DYM: variants seen among roughly 807,000 people sequenced by gnomAD.
DYM encodes the protein dymeclin.
A neutral mutation model predicts 93.1 loss-of-function variants in DYM; 78 were observed. The observed-to-expected ratio is 0.84, with a 90% CI of 0.70 to 1.01. The LOEUF (loss-of-function observed/expected upper bound fraction) is 1.01. Ranked by LOEUF, DYM falls within the 50% of genes least tolerant of loss-of-function variation. The pLI is 0.00. For synonymous variants in DYM, 321 were observed against 319.7 expected, an observed-to-expected ratio of 1.00 and a Z score of -0.04; for missense variants, 789 against 845.0, an observed-to-expected ratio of 0.93 and a Z score of 0.82.
At chr18:49,319,649 G>A (rs1277359708) in intron 8 of DYM, among the ~76,000 whole-genome samples, 1 of 152,158 alleles carries the variant, frequency 6.6e-6, no homozygotes, top group Non-Finnish European at 1.5e-5. Flanking sequence ...GATACTCTAA[G>A]TTCCATTTTT....
intron 1 of DYM, among the ~76,000 whole-genome samples, chr18:49,446,983 C>T (rs571880964): frequency 1.3e-5 from 2 of 150,934 alleles, no homozygotes; most frequent in Admixed American, 6.6e-5. Flanking sequence ...CACTTGAAAC[C>T]GGGAGGTAGA....
intron 12 of DYM, 34 bp downstream of exon 12, chr18:49,258,346 G>A (rs1018789433): frequency 9.9e-6 from 14 of 1,416,326 alleles, no homozygotes; most frequent in Non-Finnish European, 1.4e-5. Flanking sequence ...TGTACTGTAT[G>A]CAAAAAAGAT....
rs375015948 is a variant in DYM at position 49,095,089 on chromosome 18, C to T, written c.2025+2313G>A. On this transcript the variant is annotated intron_variant, in intron 17 of 17. Transcript: ENST00000675505. ...ATGTATGAAACTATTATTACACACC[C>T]GACAATTATTTTATCAGTATATATT... 2.3e-4 allele frequency among the ~76,000 whole-genome samples: 35 copies of T among 152,220 alleles called. No homozygotes were observed. In the South Asian group the frequency reaches 5.0e-3, roughly 22 times the overall value.
intron 13 of DYM, among the ~76,000 whole-genome samples, chr18:49,252,826 A>C (rs1403391700): frequency 6.6e-6 from 1 of 152,238 alleles, no homozygotes; most frequent in African/African-American, 2.4e-5. Context: ...ATCTAAAGCA[A>C]TGCCTTGCAT....
At chr18:49,206,011 G>GTTTGTTTGTTTGTTTTTTGTTTTTTTT (rs2092475166) in intron 14 of DYM, 40 of 135,082 alleles carry the variant, frequency 3.0e-4, no homozygotes, top group African/African-American at 1.0e-3. Flanking sequence ...TTGTTTTTTT[G>GTTTGTTTGTTTGTTTTTTGTTTTTTTT]TTTTTTGCGG....
At chr18:49,420,502 T>C (rs1758469330) in intron 2 of DYM, among the ~76,000 whole-genome samples, 1 of 152,022 alleles carries the variant, frequency 6.6e-6, no homozygotes, top group South Asian at 2.1e-4. Flanking sequence ...CCCAATCCAA[T>C]TGTATACAAT....
At chr18:49,233,575 GT>G (rs1277848270) in intron 13 of DYM, among the ~76,000 whole-genome samples, 1 of 152,144 alleles carries the variant, frequency 6.6e-6, no homozygotes, top group Non-Finnish European at 1.5e-5. Flanking sequence ...CAATGTAGTA[GT>G]TGTGCTATCA....
At chr18:49,334,184 T>C (rs899379054) in intron 6 of DYM, among the ~76,000 whole-genome samples, 6 of 152,234 alleles carry the variant, frequency 3.9e-5, no homozygotes, top group Non-Finnish European at 8.8e-5. Flanking sequence ...TCTATGTTCA[T>C]TTCTGTTTAG....
intron 7 of DYM, among the ~76,000 whole-genome samples, chr18:49,333,091 C>G (rs957396801): frequency 2.0e-5 from 3 of 152,194 alleles, no homozygotes; most frequent in Non-Finnish European, 4.4e-5. Context: ...GAGAACTTTC[C>G]TCAAAGGTAC....
intron 8 of DYM, among the ~76,000 whole-genome samples, chr18:49,289,727 G>GTGTA (rs1555678602): frequency 2.2e-3 from 183 of 85,002 alleles, no homozygotes; most frequent in Non-Finnish European, 2.5e-3. Context: ...ATATATATGT[G>GTGTA]TATATATATA....
At chr18:49,245,446 A>T (rs1484376593) in intron 13 of DYM, among the ~76,000 whole-genome samples, 4 of 152,174 alleles carry the variant, frequency 2.6e-5, no homozygotes, top group African/African-American at 9.7e-5. Flanking sequence ...TGGGGAAGGA[A>T]TGCATTCCTG....
intron 1 of DYM, among the ~76,000 whole-genome samples, chr18:49,437,638 T>C (rs982913579): frequency 6.6e-6 from 1 of 152,226 alleles, no homozygotes; most frequent in Admixed American, 6.5e-5. Flanking sequence ...TTTTGATAGA[T>C]ACTGCCTGGC....
chr18:49,045,120 C>A (rs1007976919), intron 17 of DYM, among the ~76,000 whole-genome samples: 26 of 152,176 alleles, frequency 1.7e-4, no homozygotes, highest in African/African-American at 5.8e-4. Context: ...GGAGTGGCTG[C>A]AGCTTGGTGA....
intron 8 of DYM, among the ~76,000 whole-genome samples, chr18:49,303,582 C>T (rs776138453): frequency 8.5e-5 from 13 of 152,092 alleles, no homozygotes; most frequent in Non-Finnish European, 1.6e-4. Context: ...CCCTTTGGTG[C>T]ACGTGGCCCT....
intron 8 of DYM, among the ~76,000 whole-genome samples, chr18:49,315,069 G>A (rs759050208): frequency 1.3e-5 from 2 of 152,196 alleles, no homozygotes; most frequent in Non-Finnish European, 2.9e-5. Flanking sequence ...ACAAAAATTA[G>A]CTGGGTATAG....
chr18:49,192,595 C>CTGT (rs906268989), intron 14 of DYM, among the ~76,000 whole-genome samples: 2 of 152,150 alleles, frequency 1.3e-5, no homozygotes, highest in African/African-American at 4.8e-5. Context: ...TGCATGGGTT[C>CTGT]TCTTCTGGGC....
intron 8 of DYM, among the ~76,000 whole-genome samples, chr18:49,326,346 G>A (rs1264842172): frequency 6.6e-6 from 1 of 151,536 alleles, no homozygotes; most frequent in African/African-American, 2.4e-5. Flanking sequence ...TCTTGTACTG[G>A]AAAATTACTA....
intron 14 of DYM, among the ~76,000 whole-genome samples, chr18:49,199,093 C>G (rs1387070589): frequency 6.6e-6 from 1 of 152,154 alleles, no homozygotes; most frequent in Non-Finnish European, 1.5e-5. Context: ...ATGGATGAAG[C>G]TGGAAACCAT....
At chr18:49,230,009 C>A (rs573647617) in intron 13 of DYM, among the ~76,000 whole-genome samples, 5 of 152,174 alleles carry the variant, frequency 3.3e-5, no homozygotes, top group Admixed American at 6.5e-5. Context: ...AGATTTATGA[C>A]AAAGTGGCAA....
Sources: gnomAD v4.1 joint callset for allele counts (sites outside exome capture counted in the v4.1 genomes callset) on GRCh38, gnomAD v4.1.1 for gene constraint, MANE v1.5 for transcripts, NCBI Gene and HGNC (gene_info 2026-07-23, HGNC 2026-07-21) for gene names.